RMDN2: variants seen among roughly 807,000 people sequenced by gnomAD.
RMDN2 encodes the protein regulator of microtubule dynamics 2.
A neutral mutation model predicts 52.8 loss-of-function variants in RMDN2; 61 were observed. The observed-to-expected ratio is 1.16, with a 90% confidence interval of 0.94 to 1.43. RMDN2 has a LOEUF of 1.43. Among genes scored for constraint, RMDN2 ranks in the 40% most tolerant of loss-of-function variants. RMDN2 has a pLI of 0.00. For synonymous variants in RMDN2, 180 were observed against 153.1 expected (o/e 1.18, Z -1.30); for missense variants, 592 against 475.3 (o/e 1.25, Z -2.28).
At chr2:38,057,606 G>A (rs1005377074) in intron 10 of RMDN2, among the ~76,000 whole-genome samples, 2 of 152,148 alleles carry the variant, frequency 1.3e-5, no homozygotes, top group African/African-American at 4.8e-5. Context: ...ATATGGTTTA[G>A]ATCTATGTCC....
rs192685111 is a variant in RMDN2 at position 38,043,313 on chromosome 2, T to C, written c.1714-23669T>C. ...CTTTGTCTGAAATTAATATAGCTAC[T>C]GCAGCTTTTTTAAATTAGTGTTAGC... On this transcript the variant is annotated intron_variant, in intron 10 of 10. Coordinates refer to the RMDN2 transcript ENST00000234195. Among the ~76,000 whole-genome samples the C allele has an allele frequency of 9.3e-4, 141 of 152,304 alleles. 2 individuals are homozygous for C. In the East Asian group the frequency reaches 0.024, roughly 25 times the overall value.
intron 10 of RMDN2, among the ~76,000 whole-genome samples, chr2:38,043,906 GA>G (rs1681113401): frequency 6.6e-6 from 1 of 151,924 alleles, no homozygotes; most frequent in Admixed American, 6.6e-5. Context: ...TTAAGAATAA[GA>G]AGAATAAAAT....
chr2:37,951,728 T>A (rs1668823938), intron 2 of RMDN2: 2 of 1,612,376 alleles, frequency 1.2e-6, no homozygotes, highest in Non-Finnish European at 8.5e-7. Flanking sequence ...ATACTGATGC[T>A]AAAAAACATA....
chr2:37,956,418 A>T (rs1669468217), intron 2 of RMDN2, among the ~76,000 whole-genome samples: 1 of 151,936 alleles, frequency 6.6e-6, no homozygotes, highest in African/African-American at 2.4e-5. Flanking sequence ...GATTGTATTT[A>T]TTTAGTCTCC....
chr2:38,023,693 A>G (rs1679558719), intron 10 of RMDN2, among the ~76,000 whole-genome samples: 1 of 152,230 alleles, frequency 6.6e-6, no homozygotes, highest in South Asian at 2.1e-4. Context: ...TAAAGTTCAT[A>G]CTTGAAGTAC....
At chr2:37,950,686 A>G (rs1446292640) in intron 2 of RMDN2, 2 of 1,232,316 alleles carry the variant, frequency 1.6e-6, no homozygotes, top group Non-Finnish European at 2.4e-6. Context: ...GTTTCCCATA[A>G]TAACTGGATA....
chr2:37,975,869 T>G (rs1034286564), intron 4 of RMDN2, among the ~76,000 whole-genome samples: 7 of 152,216 alleles, frequency 4.6e-5, no homozygotes, highest in African/African-American at 1.7e-4. Context: ...CAGAAATATT[T>G]GAATATATTA....
At chr2:37,956,815 C>T (rs1044787036) in intron 2 of RMDN2, among the ~76,000 whole-genome samples, 5 of 151,864 alleles carry the variant, frequency 3.3e-5, no homozygotes, top group Admixed American at 2.6e-4. Flanking sequence ...TTGCTCCCCA[C>T]CCCCAACAGC....
intron 2 of RMDN2, among the ~76,000 whole-genome samples, chr2:37,938,324 A>G (rs1041959756): frequency 6.6e-6 from 1 of 152,148 alleles, no homozygotes; most frequent in Admixed American, 6.6e-5. Flanking sequence ...TTTTTGCATC[A>G]ATCTTCATCA....
chr2:37,970,254 G>A (rs1482245249), intron 2 of RMDN2, among the ~76,000 whole-genome samples: 1 of 151,948 alleles, frequency 6.6e-6, no homozygotes, highest in Non-Finnish European at 1.5e-5. Context: ...TATTTCTTTT[G>A]TCCTGAAGTG....
intron 10 of RMDN2, among the ~76,000 whole-genome samples, chr2:38,009,504 GC>G: frequency 6.6e-6 from 1 of 152,098 alleles, no homozygotes; most frequent in East Asian, 1.9e-4. Context: ...GATCAAATTG[GC>G]TACTGAGGCT....
chr2:38,065,481 T>C (rs1219734354), intron 10 of RMDN2, among the ~76,000 whole-genome samples: 1 of 152,168 alleles, frequency 6.6e-6, no homozygotes, highest in African/African-American at 2.4e-5. Flanking sequence ...TTCTACTGTA[T>C]AACATTGTCT....
At chr2:38,055,441 G>A (rs1010923028) in intron 10 of RMDN2, among the ~76,000 whole-genome samples, 1 of 152,090 alleles carries the variant, frequency 6.6e-6, no homozygotes, top group African/African-American at 2.4e-5. Context: ...ACCAGAAATA[G>A]AAAATCCTTA....
Position 37,934,495 on chromosome 2 carries a change from C to T in RMDN2, c.452+4766C>T, listed in dbSNP as rs115309067. On this transcript the variant is annotated intron_variant, in intron 2 of 10. Coordinates refer to ENST00000354545, the MANE Select transcript of RMDN2 (RefSeq NM_001170791.3). ...GCACTAGTGTTAACATTTTGGAAAGCATCTTTGCTTCTTGGTAATCACATG... is the reference window on the plus strand; with the variant it reads ...GCACTAGTGTTAACATTTTGGAAAGTATCTTTGCTTCTTGGTAATCACATG... Among the ~76,000 whole-genome samples the T allele has an allele frequency of 2.1e-3, 319 of 152,260 alleles. 2 individuals carry two copies. The highest frequency in any genetic ancestry group is 7.4e-3 in the African/African-American group (307 of 41,556).
chr2:37,938,787 C>T lies in RMDN2; in HGVS notation c.452+9058C>T, dbSNP rs1326944339. On this transcript the variant is annotated intron_variant, in intron 2 of 10. Transcript: ENST00000354545. ...TTAGTGTCTATTTGAGTCTTCTCTCCTTTCTTCTTTATTAATCTGGCTAGC... is the reference window on the plus strand; with the variant it reads ...TTAGTGTCTATTTGAGTCTTCTCTCTTTTCTTCTTTATTAATCTGGCTAGC... Among the ~76,000 whole-genome samples the T allele has an allele frequency of 3.3e-5, 5 of 151,988 alleles. No homozygotes were observed. In the East Asian group the frequency reaches 7.7e-4, roughly 24 times the overall value.
intron 10 of RMDN2, among the ~76,000 whole-genome samples, chr2:38,064,550 C>T (rs939807071): frequency 6.6e-6 from 1 of 151,870 alleles, no homozygotes; most frequent in African/African-American, 2.4e-5. Flanking sequence ...AAAACTGAGT[C>T]ATGGAGAAGG....
At chr2:38,043,555 T>G (rs984404605) in intron 10 of RMDN2, among the ~76,000 whole-genome samples, 1 of 152,120 alleles carries the variant, frequency 6.6e-6, no homozygotes. Context: ...CACTTGTTCT[T>G]TGTTTCCTTT....
At chr2:37,932,719 C>A (rs562579774) in intron 2 of RMDN2, among the ~76,000 whole-genome samples, 6,550 of 125,556 alleles carry the variant, frequency 0.052, 146 homozygotes, top group Middle Eastern at 0.098. Context: ...CCGGACGGGG[C>A]GGCTGGCCGG....
chr2:37,940,652 T>A (rs1006654288), intron 2 of RMDN2, among the ~76,000 whole-genome samples: 1 of 152,182 alleles, frequency 6.6e-6, no homozygotes, highest in Non-Finnish European at 1.5e-5. Context: ...ATCTCTCATA[T>A]CCTTTCTTCC....
Sources: gnomAD v4.1 joint callset for allele counts (sites outside exome capture counted in the v4.1 genomes callset) on GRCh38, gnomAD v4.1.1 for gene constraint, MANE v1.5 for transcripts, NCBI Gene and HGNC (gene_info 2026-07-23, HGNC 2026-07-21) for gene names.